LARGE1: variants seen among roughly 807,000 people sequenced by gnomAD.
LARGE1 encodes LARGE xylosyl- and glucuronyltransferase 1, also known as xylosyl- and glucuronyltransferase LARGE1.
LARGE1 carries 43 observed loss-of-function variants against 87.6 expected under a neutral mutation model. The observed-to-expected ratio is 0.49, with a 90% CI of 0.38 to 0.63. The LOEUF is 0.63. Ranked by LOEUF, LARGE1 falls within the 30% of genes least tolerant of loss-of-function variation. LARGE1 has a pLI of 0.00. For synonymous variants in LARGE1, 434 were observed against 394.6 expected, an observed-to-expected ratio of 1.10 and a Z score of -1.18; for missense variants, 802 against 1,000.2, an observed-to-expected ratio of 0.80 and a Z score of 2.67.
At chr22:33,294,644 C>T (rs1486818724) in intron 12 of LARGE1, among the ~76,000 whole-genome samples, 2 of 152,192 alleles carry the variant, frequency 1.3e-5, no homozygotes, top group Non-Finnish European at 2.9e-5. Context: ...GTTGGGTCTG[C>T]ATCTTCTTTG....
chr22:33,797,140 C>T (rs563127243), intron 1 of LARGE1, among the ~76,000 whole-genome samples: 2 of 152,118 alleles, frequency 1.3e-5, no homozygotes, highest in South Asian at 4.2e-4. Context: ...ACATCAGGGA[C>T]AGAAGAGGGT....
intron 2 of LARGE1, among the ~76,000 whole-genome samples, chr22:33,723,361 T>C (rs1192226676): frequency 6.6e-6 from 1 of 152,202 alleles, no homozygotes; most frequent in Non-Finnish European, 1.5e-5. Context: ...ATGCCATCTT[T>C]CTTTCTCCCA....
chr22:33,534,543 G>A (rs1031192066), intron 6 of LARGE1, among the ~76,000 whole-genome samples: 4 of 152,214 alleles, frequency 2.6e-5, no homozygotes, highest in African/African-American at 9.6e-5. Context: ...GGAAATGTAA[G>A]AGCAAAGGGG....
At chr22:33,581,301 G>A (rs940041229) in intron 5 of LARGE1, among the ~76,000 whole-genome samples, 1 of 152,126 alleles carries the variant, frequency 6.6e-6, no homozygotes, top group African/African-American at 2.4e-5. Context: ...GGAAACAGAT[G>A]GAATTAAGAG....
intron 1 of LARGE1, among the ~76,000 whole-genome samples, chr22:33,829,574 T>C (rs2062906368): frequency 6.6e-6 from 1 of 152,174 alleles, no homozygotes; most frequent in African/African-American, 2.4e-5. Context: ...GAATCCACTA[T>C]ATTACCTCTC....
the LARGE1 span, among the ~76,000 whole-genome samples, chr22:33,080,032 G>A: frequency 6.6e-6 from 1 of 152,160 alleles, no homozygotes. Flanking sequence ...GGCATGTGGA[G>A]GGAAGGCTTC....
intron 1 of LARGE1, among the ~76,000 whole-genome samples, chr22:33,767,774 A>T (rs189444): frequency 0.58 from 87,495 of 151,976 alleles, 25,639 homozygotes; most frequent in African/African-American, 0.68. Flanking sequence ...ACACACATAC[A>T]CACAAACACA....
At chr22:33,414,008 A>G (rs532717705) in intron 7 of LARGE1, among the ~76,000 whole-genome samples, 10 of 152,332 alleles carry the variant, frequency 6.6e-5, no homozygotes, top group Admixed American at 5.2e-4. Flanking sequence ...ACATGGGGGT[A>G]CAGATACTGC....
exon 12 of LARGE1, chr22:33,163,925 A>G (rs966599860): frequency 6.6e-6 from 1 of 152,240 alleles, no homozygotes; most frequent in African/African-American, 2.4e-5. Flanking sequence ...AGCACCACTT[A>G]ATATATTTAC....
chr22:33,915,239 GAAACACA>G (rs1169385110), intron 1 of LARGE1, among the ~76,000 whole-genome samples: 1 of 152,008 alleles, frequency 6.6e-6, no homozygotes, highest in East Asian at 1.9e-4. Context: ...CTCATCCCAA[GAAACACA>G]CATATGCACA....
Position 33,182,186 on chromosome 22 carries a change from G to A in LARGE1, c.1731-15354C>T, listed in dbSNP as rs1405721270. Among the ~76,000 whole-genome samples, 3 of 152,200 alleles carry A rather than the reference G, an allele frequency of 2.0e-5. No homozygotes were observed. The East Asian group carries it at 5.8e-4, about 29-fold the overall frequency. ...ATATTGAAACTAACAAATGATTAAG[G>A]TAAAATATAAGTAGTCCAATAGACT... On this transcript the variant is annotated intron_variant, in intron 11 of 11. Transcript: ENST00000608642.
intron 4 of LARGE1, among the ~76,000 whole-genome samples, chr22:33,618,481 T>C (rs1367477268): frequency 6.6e-6 from 1 of 152,238 alleles, no homozygotes; most frequent in Non-Finnish European, 1.5e-5. Context: ...ATAGCCCATG[T>C]GAAGCTTAAC....
rs555800769 is a variant in LARGE1, at chr22:33,679,829, C to T, written c.107-29161G>A. ...TGCACTCCAGCCTGGGCAACAAGAGCGAAACTCTGTCTCAAAAAACAAACA... is the reference window on the plus strand; with the variant it reads ...TGCACTCCAGCCTGGGCAACAAGAGTGAAACTCTGTCTCAAAAAACAAACA... On this transcript the variant is annotated intron_variant, in intron 2 of 14. Transcript: ENST00000397394. Among the ~76,000 whole-genome samples, 9 of 151,960 alleles carry T rather than the reference C, an allele frequency of 5.9e-5. No individual in the cohort carries two copies. The East Asian group carries it at 7.8e-4, about 13-fold the overall frequency.
intron 4 of LARGE1, among the ~76,000 whole-genome samples, chr22:33,607,555 A>AG (rs1194065464): frequency 6.6e-6 from 1 of 151,644 alleles, no homozygotes; most frequent in Non-Finnish European, 1.5e-5. Context: ...ATTAGATATG[A>AG]GAAAAAAAAG....
chr22:33,728,533 C>T (rs939146006), intron 2 of LARGE1, among the ~76,000 whole-genome samples: 2 of 144,128 alleles, frequency 1.4e-5, no homozygotes, highest in African/African-American at 2.6e-5. Context: ...AGCGAGACTC[C>T]GTCTCCACCC....
intron 6 of LARGE1, among the ~76,000 whole-genome samples, chr22:33,462,878 A>T (rs1437907540): frequency 6.6e-6 from 1 of 152,240 alleles, no homozygotes; most frequent in South Asian, 2.1e-4. Flanking sequence ...CAAACTTTTA[A>T]AATAACAAGC....
At chr22:33,280,543 T>C (rs1930238223) in intron 13 of LARGE1, among the ~76,000 whole-genome samples, 1 of 152,154 alleles carries the variant, frequency 6.6e-6, no homozygotes, top group Admixed American at 6.5e-5. Context: ...TAGGGACAGC[T>C]GGGTCAGTTC....
At chr22:33,104,911 C>CTT in the LARGE1 span, among the ~76,000 whole-genome samples, 3 of 66,458 alleles carry the variant, frequency 4.5e-5, no homozygotes, top group Non-Finnish European at 1.2e-4. Flanking sequence ...TTCTTTCTTT[C>CTT]TTTCTTTCTT....
intron 12 of LARGE1, among the ~76,000 whole-genome samples, chr22:33,285,266 A>C (rs1931299920): frequency 6.6e-6 from 1 of 152,052 alleles, no homozygotes; most frequent in Non-Finnish European, 1.5e-5. Context: ...TTTCCTGGGG[A>C]AAAGGTAGGC....
Sources: allele counts gnomAD v4.1 joint callset (sites outside exome capture counted in the v4.1 genomes callset), GRCh38; gene constraint gnomAD v4.1.1; transcripts MANE v1.5; gene names NCBI Gene and HGNC (gene_info 2026-07-23, HGNC 2026-07-21).